SEC14L1: variants seen among roughly 807,000 people sequenced by gnomAD.
SEC14L1 encodes the protein SEC14 like lipid binding 1.
SEC14L1 carries 48 observed loss-of-function variants against 85.3 expected under a neutral mutation model. The ratio of observed to expected loss-of-function variants is 0.56; its 90% confidence interval spans 0.45 to 0.72. The LOEUF is 0.72. Among genes scored for constraint, SEC14L1 ranks in the 30% least tolerant of loss-of-function variants. The probability of loss-of-function intolerance (pLI) is 0.00; values close to 1 mark genes in which losing one functional copy is unlikely to be tolerated. For missense variants in SEC14L1, 682 were observed against 921.4 expected, an observed-to-expected ratio of 0.74 and a Z score of 3.36; for synonymous variants, 391 against 355.5, an observed-to-expected ratio of 1.10 and a Z score of -1.12.
intron 3 of SEC14L1, among the ~76,000 whole-genome samples, chr17:77,120,722 C>G (rs573299961): frequency 1.3e-5 from 2 of 152,132 alleles, no homozygotes. Context: ...GGTGATCCAC[C>G]GGTCTCGGCC....
At chr17:77,144,218 C>T (rs1973176118) in intron 3 of SEC14L1, among the ~76,000 whole-genome samples, 1 of 152,118 alleles carries the variant, frequency 6.6e-6, no homozygotes, top group Non-Finnish European at 1.5e-5. Context: ...TAGGGTATTT[C>T]TTCTTTTCCT....
upstream of SEC14L1, chr17:77,140,962 T>G (rs1160920028): frequency 7.3e-6 from 1 of 136,216 alleles, no homozygotes; most frequent in Non-Finnish European, 1.6e-5. Flanking sequence ...CCGCGCCCCT[T>G]CCCCCTCCCG....
At chr17:77,186,609 G>A (rs996178708) in intron 3 of SEC14L1, among the ~76,000 whole-genome samples, 3 of 152,228 alleles carry the variant, frequency 2.0e-5, no homozygotes, top group Admixed American at 6.5e-5. Flanking sequence ...TTGTAACGTT[G>A]TGGAGAGAAA....
intron 2 of SEC14L1, among the ~76,000 whole-genome samples, chr17:77,092,494 A>G (rs1391532468): frequency 6.6e-6 from 1 of 152,166 alleles, no homozygotes; most frequent in Non-Finnish European, 1.5e-5. Flanking sequence ...TGAGAGCTGT[A>G]CTGAGTAATA....
At chr17:77,186,454 C>G (rs756194372) in intron 3 of SEC14L1, among the ~76,000 whole-genome samples, 1 of 152,256 alleles carries the variant, frequency 6.6e-6, no homozygotes, top group African/African-American at 2.4e-5. Flanking sequence ...AGCGTGTTCT[C>G]CCCCTTCTGC....
chr17:77,200,623 C>T lies in SEC14L1; in HGVS notation c.959C>T (p.Pro320Leu). 6.2e-7 allele frequency: 1 copy of T among 1,614,082 alleles called. No individual in the cohort carries two copies. Among genetic ancestry groups the T allele is most frequent in the Non-Finnish European group, 8.5e-7 (1 of 1,180,012 alleles). Residue 320 changes from proline (P) to leucine (L), a missense_variant, in exon 9 of 17, where the codon CCT becomes CTT. By Grantham distance (98) the Pro-to-Leu change is moderately conservative. Around this residue, in one of 3 missense-constraint regions of SEC14L1, gnomAD observed 420 missense variants for 619.5 expected, o/e 0.68. Transcript: ENST00000436233. ...TACATTCTTGAAACCTGGACCCCTCCTCAGGTCCTTCAGGATTACTACGCG... is the reference window on the plus strand; with the variant it reads ...TACATTCTTGAAACCTGGACCCCTCTTCAGGTCCTTCAGGATTACTACGCG... ...VDYILETWTP[P>L]QVLQDYYAGG... is the part of the protein sequence containing the mutation.
At chr17:77,178,062 C>G (rs888404473) in intron 3 of SEC14L1, among the ~76,000 whole-genome samples, 5 of 148,144 alleles carry the variant, frequency 3.4e-5, no homozygotes, top group Admixed American at 6.8e-5. Context: ...CCCTCCCCCC[C>G]CCCTTTTTTT....
At chr17:77,201,563 G>A (rs961760438) in intron 9 of SEC14L1, among the ~76,000 whole-genome samples, 3 of 150,342 alleles carry the variant, frequency 2.0e-5, no homozygotes, top group Non-Finnish European at 3.0e-5. Context: ...CAATTCTCCC[G>A]CCTCAGCCTC....
At chr17:77,088,787 A>G (rs1288950471) in exon 1 of SEC14L1, 1 of 152,320 alleles carries the variant, frequency 6.6e-6, no homozygotes, top group Non-Finnish European at 1.5e-5. Context: ...AGCCCTGACC[A>G]CAGTTCCGCC....
chr17:77,182,879 G>T (rs1160656381), intron 3 of SEC14L1, among the ~76,000 whole-genome samples: 4 of 152,220 alleles, frequency 2.6e-5, no homozygotes, highest in African/African-American at 7.2e-5. Flanking sequence ...AGTCCAGGTT[G>T]CTGGCTTTGC....
At chr17:77,173,452 G>T (rs1974611688) in intron 3 of SEC14L1, among the ~76,000 whole-genome samples, 1 of 151,918 alleles carries the variant, frequency 6.6e-6, no homozygotes, top group African/African-American at 2.4e-5. Context: ...GATCCCATGT[G>T]GGTTGCTTAG....
intron 8 of SEC14L1, 146 bp downstream of exon 8, chr17:77,196,457 C>G: frequency 1.7e-6 from 1 of 592,336 alleles, no homozygotes; most frequent in Non-Finnish European, 3.0e-6. Flanking sequence ...GAATTTATGT[C>G]TCTGTGGAAT....
Position 77,110,896 on chromosome 17 carries a change from A to G in SEC14L1, c.-136+17549A>G, listed in dbSNP as rs555274801. On this transcript the variant is annotated intron_variant, in intron 3 of 19. Coordinates refer to the SEC14L1 transcript ENST00000392476. The stretch of plus-strand genomic sequence containing the variant: ...CTGTCTCAAAAAAAAAAAAAAAAAA[A>G]AAAGAAATACATTGGGGCTGGGCAC... Among the ~76,000 whole-genome samples the G allele has an allele frequency of 4.3e-3, 632 of 147,046 alleles. 3 individuals are homozygous for G. The highest frequency in any genetic ancestry group is 5.8e-3 in the Non-Finnish European group (388 of 66,516).
chr17:77,195,414 G>A (rs982207629), intron 7 of SEC14L1, among the ~76,000 whole-genome samples: 7 of 152,106 alleles, frequency 4.6e-5, no homozygotes, highest in Non-Finnish European at 8.8e-5. Flanking sequence ...CGTCTCCCGG[G>A]TTCAAGTGAT....
chr17:77,179,610 A>G (rs1204746101), intron 3 of SEC14L1, among the ~76,000 whole-genome samples: 2 of 152,160 alleles, frequency 1.3e-5, no homozygotes, highest in Non-Finnish European at 2.9e-5. Flanking sequence ...TCTAAGATGA[A>G]GTTCATAATT....
At chr17:77,107,322 A>G (rs1971937038) in intron 3 of SEC14L1, among the ~76,000 whole-genome samples, 1 of 152,140 alleles carries the variant, frequency 6.6e-6, no homozygotes, top group African/African-American at 2.4e-5. Flanking sequence ...CTCCACTTTA[A>G]AGACAGGGAT....
chr17:77,111,507 G>A (rs1196332346), intron 3 of SEC14L1, among the ~76,000 whole-genome samples: 1 of 151,966 alleles, frequency 6.6e-6, no homozygotes, highest in Non-Finnish European at 1.5e-5. Flanking sequence ...GCAGCCGGGA[G>A]GGGGGCTGAA....
chr17:77,140,845 A>G (rs1301817901), upstream of SEC14L1: 1 of 142,024 alleles, frequency 7.0e-6, no homozygotes, highest in Admixed American at 6.8e-5. Flanking sequence ...CTTAGCAACC[A>G]TCGCCCGCTC....
intron 3 of SEC14L1, among the ~76,000 whole-genome samples, chr17:77,174,844 C>T (rs941056415): frequency 2.0e-5 from 3 of 152,196 alleles, no homozygotes; most frequent in East Asian, 1.9e-4. Context: ...GCATCTGTTA[C>T]GACTGCAAGA....
Sources: gnomAD v4.1 joint callset for allele counts (sites outside exome capture counted in the v4.1 genomes callset) on GRCh38, gnomAD v4.1.1 for gene constraint, gnomAD v4.1.1 regional missense constraint, MANE v1.5 for transcripts, NCBI Gene and HGNC (gene_info 2026-07-23, HGNC 2026-07-21) for gene names.